Variants in IL5RA observed in about 807,000 individuals in gnomAD.
IL5RA encodes the protein interleukin-5 receptor subunit alpha.
IL5RA carries 49 observed loss-of-function variants against 50.0 expected under a neutral mutation model. The ratio of observed to expected loss-of-function variants is 0.98; its 90% confidence interval spans 0.78 to 1.24. IL5RA has a LOEUF of 1.24. IL5RA is among the 50% of genes most tolerant of loss of function. The pLI is 0.00. For missense variants in IL5RA, 600 were observed against 500.4 expected (o/e 1.20, Z -1.90); for synonymous variants, 202 against 174.0 (o/e 1.16, Z -1.26).
chr3:3,080,226 C>G (rs750482576), intron 9 of IL5RA, among the ~76,000 whole-genome samples: 21 of 152,132 alleles, frequency 1.4e-4, no homozygotes, highest in Non-Finnish European at 2.6e-4. Context: ...TAAAGTGCTT[C>G]ACGTACTTTC....
intron 11 of IL5RA, among the ~76,000 whole-genome samples, chr3:3,073,471 C>G (rs1292192035): frequency 6.6e-6 from 1 of 152,226 alleles, no homozygotes; most frequent in African/African-American, 2.4e-5. Flanking sequence ...GCTACTTTCA[C>G]ACTACAATGG....
intron 9 of IL5RA, among the ~76,000 whole-genome samples, chr3:3,089,081 A>G (rs1702986940): frequency 6.6e-6 from 1 of 152,064 alleles, no homozygotes; most frequent in Non-Finnish European, 1.5e-5. Context: ...GGGGGCATCA[A>G]CCTAGGGAGG....
At position 3,092,016 on chromosome 3, in the gene IL5RA, C is replaced by T. The variant is rs188037511; in HGVS notation, c.994+208G>A. ...CAGGCACCAGGTCTAGGAGAGTTGG[C>T]GCTAATGAGAAGCCTAGACACTTAA... On this transcript the variant is annotated intron_variant, in intron 9 of 11. Transcript: ENST00000446632. The surrounding 1 kb of genome is among the most constrained non-coding windows in gnomAD (Gnocchi z 4.2). 628 of 1,283,398 alleles carry T rather than the reference C, an allele frequency of 4.9e-4. 1 individual carries two copies. The highest frequency in any genetic ancestry group is 4.4e-4 in the Non-Finnish European group (444 of 1,017,468). 79.5% of individuals were successfully genotyped at this position (1,283,398 alleles called of 1,614,324 possible).
intron 9 of IL5RA, among the ~76,000 whole-genome samples, chr3:3,082,233 T>C (rs1702692964): frequency 6.6e-6 from 1 of 152,188 alleles, no homozygotes; most frequent in Admixed American, 6.5e-5. Context: ...CGTAGTATAG[T>C]CTTAATTTGA....
In IL5RA at chr3:3,081,009, A is replaced by AT. The variant is rs1189520626; in HGVS notation, c.995-4383dup. On this transcript the variant is annotated intron_variant, in intron 9 of 11. Transcript: ENST00000446632. ...CTGTGCCTAGCCCTATGGCTATAGT[A>AT]TTTTTTTTCAAGTTTTTTTTTGAAA... Among the ~76,000 whole-genome samples, 7 of 151,996 alleles carry AT rather than the reference A, an allele frequency of 4.6e-5. No homozygotes were observed. In the East Asian group the frequency reaches 7.7e-4, roughly 17 times the overall value.
At chr3:3,104,832 G>A (rs1703830104) in intron 3 of IL5RA, 71 bp downstream of exon 3, 1 of 933,070 alleles carries the variant, frequency 1.1e-6, no homozygotes, top group East Asian at 2.6e-5. Context: ...AGTTTAAGAG[G>A]AAATAATGTT....
intron 9 of IL5RA, among the ~76,000 whole-genome samples, chr3:3,080,557 T>C (rs1702628241): frequency 5.3e-5 from 8 of 152,348 alleles, no homozygotes; most frequent in Admixed American, 5.2e-4. Flanking sequence ...CTATTGTTTG[T>C]ATCCCCGTTT....
At chr3:3,097,379 A>G (rs768866946) in intron 7 of IL5RA, among the ~76,000 whole-genome samples, 2 of 151,916 alleles carry the variant, frequency 1.3e-5, no homozygotes, top group African/African-American at 2.4e-5. Flanking sequence ...TCTATAGGGA[A>G]GGGACTCAAA....
chr3:3,087,484 G>A (rs1702917353), intron 9 of IL5RA, among the ~76,000 whole-genome samples: 1 of 152,106 alleles, frequency 6.6e-6, no homozygotes, highest in Non-Finnish European at 1.5e-5. Context: ...GCTATAATGG[G>A]TTAATTAGTT....
intron 9 of IL5RA, among the ~76,000 whole-genome samples, chr3:3,086,314 T>C (rs886400387): frequency 5.3e-5 from 8 of 152,170 alleles, no homozygotes; most frequent in African/African-American, 1.9e-4. Context: ...GAAGAGAAGA[T>C]GATGGACTTG....
chr3:3,090,061 G>A, intron 9 of IL5RA: 2 of 692,306 alleles, frequency 2.9e-6, no homozygotes, highest in Non-Finnish European at 4.8e-6. Context: ...TGGCCATGCA[G>A]AACAGAGTTA....
chr3:3,068,559 A>G lies in IL5RA; in HGVS notation c.*1666T>C. 7.0e-6 allele frequency: 1 copy of G among 142,242 alleles called. No homozygotes were observed. Among genetic ancestry groups the G allele is most frequent in the Non-Finnish European group, 1.5e-5 (1 of 66,652 alleles). 8.8% of individuals were successfully genotyped at this position (142,242 alleles called of 1,614,324 possible). ...CACTACACTCTAGCCTGGGAGACAG[A>G]ACAAGACTGTCTCCACCACCCACCC... On this transcript the variant is annotated 3_prime_UTR_variant, in exon 12 of 12. Transcript: ENST00000446632.
intron 4 of IL5RA, among the ~76,000 whole-genome samples, chr3:3,102,068 T>G (rs1476810146): frequency 6.6e-6 from 1 of 152,162 alleles, no homozygotes; most frequent in Non-Finnish European, 1.5e-5. Flanking sequence ...AAACTCAAGT[T>G]CCCTTTGAGC....
chr3:3,105,053 T>A, intron 2 of IL5RA, 66 bp from the exon 3 acceptor site: 1 of 1,016,164 alleles, frequency 9.8e-7, no homozygotes. Context: ...TGATAGCTGC[T>A]TTCTAACATA....
chr3:3,072,256 G>A (rs2125948794), intron 11 of IL5RA, among the ~76,000 whole-genome samples: 1 of 152,338 alleles, frequency 6.6e-6, no homozygotes, highest in East Asian at 1.9e-4. Flanking sequence ...GCACCAGGCA[G>A]TACTTCATTT....
intron 9 of IL5RA, among the ~76,000 whole-genome samples, chr3:3,089,174 T>C (rs1702990770): frequency 6.6e-6 from 1 of 152,184 alleles, no homozygotes; most frequent in African/African-American, 2.4e-5. Context: ...TAGTGTCCTT[T>C]CAGTTCCCTC....
chr3:3,103,028 C>G (rs759648876), intron 3 of IL5RA: 2 of 411,272 alleles, frequency 4.9e-6, no homozygotes, highest in Non-Finnish European at 8.7e-6. Flanking sequence ...GCGCATGCCA[C>G]CATGCTGGGC....
At position 3,097,988 on chromosome 3, in the gene IL5RA, C is replaced by T; in HGVS notation, c.591G>A (p.Trp197Ter). 1 of 1,614,164 alleles carries T rather than the reference C, an allele frequency of 6.2e-7. No individual in the cohort carries two copies. The highest frequency in any genetic ancestry group is 8.5e-7 in the Non-Finnish European group (1 of 1,180,026). Residue 197 changes from tryptophan (W) to a stop codon, truncating the protein, a stop_gained, in exon 7 of 12, where the codon TGG becomes TGA. Coordinates refer to ENST00000446632, the MANE Select transcript of IL5RA (RefSeq NM_175726.4). LOFTEE classifies it high-confidence loss of function. ...KDTLGRNIAC[W>*]FPRTFILSKG... ...TGCTGAGGATAAAAGTCCTGGGAAA[C>T]CAGCATGCGATATTTCTCCCCAGTG...
In IL5RA at chr3:3,106,495, G is replaced by A. The variant is rs3804794; in HGVS notation, c.-3-1508C>T. 0.028 allele frequency among the ~76,000 whole-genome samples: 4,247 copies of A among 152,094 alleles called. 423 individuals are homozygous for A. The East Asian group carries it at 0.28, about 10-fold the overall frequency. ...CTTAAGTACTGTTAATCAGAAGTAT[G>A]CCAGTTTTGATTTTAAAATCCTGTT... On this transcript the variant is annotated intron_variant, in intron 2 of 11. Transcript: ENST00000446632.
Sources: allele counts gnomAD v4.1 joint callset (sites outside exome capture counted in the v4.1 genomes callset), GRCh38; gene constraint gnomAD v4.1.1; non-coding constraint Gnocchi (gnomAD v3.1); transcripts MANE v1.5; gene names NCBI Gene and HGNC (gene_info 2026-07-23, HGNC 2026-07-21).